The following ATP10A variants were observed in gnomAD, a reference collection of about 807,000 sequenced individuals.
ATP10A encodes phospholipid-transporting ATPase VA.
Under a neutral mutation model 147.8 loss-of-function variants are expected in ATP10A, and 111 were observed. That is an observed-to-expected ratio of 0.75 (90% confidence interval 0.64 to 0.88). ATP10A has a LOEUF of 0.88. Among genes scored for constraint, ATP10A ranks in the 40% least tolerant of loss-of-function variants. The probability of loss-of-function intolerance (pLI) is 0.00; values close to 1 mark genes in which losing one functional copy is unlikely to be tolerated. For synonymous variants in ATP10A, 875 were observed against 841.6 expected, an observed-to-expected ratio of 1.04 and a Z score of -0.69; for missense variants, 1,927 against 1,959.0, an observed-to-expected ratio of 0.98 and a Z score of 0.31.
intron 1 of ATP10A, among the ~76,000 whole-genome samples, chr15:25,805,250 G>C (rs1483498817): frequency 6.6e-6 from 1 of 152,218 alleles, no homozygotes; most frequent in African/African-American, 2.4e-5. Flanking sequence ...AGCCCACGCT[G>C]GTCTGTGGCA....
chr15:25,823,102 A>T (rs1166674040), intron 1 of ATP10A, among the ~76,000 whole-genome samples: 1 of 152,240 alleles, frequency 6.6e-6, no homozygotes, highest in Non-Finnish European at 1.5e-5. Context: ...TTTTGAAAAA[A>T]ATCTCAAGAG....
chr15:25,849,559 C>CT (rs2140907139), intron 1 of ATP10A, among the ~76,000 whole-genome samples: 1 of 152,230 alleles, frequency 6.6e-6, no homozygotes, highest in South Asian at 2.1e-4. Context: ...TGGCCAGACG[C>CT]TTTACAGAGG....
intron 2 of ATP10A, among the ~76,000 whole-genome samples, chr15:25,775,586 A>G (rs367880338): frequency 6.6e-6 from 1 of 151,896 alleles, no homozygotes; most frequent in Non-Finnish European, 1.5e-5. Flanking sequence ...ACCACTGTGC[A>G]CACACACACG....
In ATP10A at chr15:25,847,057, T is replaced by C. The variant is rs967561954; in HGVS notation, c.449+15591A>G. ...TATACATTTTTCTAAAAAGCATCCA[T>C]AGAGCATCTTTGTCAGCTATCCTTG... On this transcript the variant is annotated intron_variant, in intron 1 of 20. Transcript: ENST00000555815. 1.4e-4 allele frequency among the ~76,000 whole-genome samples: 22 copies of C among 152,232 alleles called. 1 individual carries two copies. Among genetic ancestry groups the C allele is most frequent in the Non-Finnish European group, 1.0e-4 (7 of 68,034 alleles).
intron 3 of ATP10A, among the ~76,000 whole-genome samples, chr15:25,730,250 C>G (rs1235159930): frequency 2.0e-5 from 3 of 150,636 alleles, no homozygotes; most frequent in African/African-American, 7.4e-5. Flanking sequence ...TGCAGTGAGC[C>G]AAGATCGCGC....
chr15:25,821,824 T>C (rs1455028578), intron 1 of ATP10A, among the ~76,000 whole-genome samples: 2 of 152,144 alleles, frequency 1.3e-5, no homozygotes, highest in Non-Finnish European at 2.9e-5. Context: ...TGGTAACAGC[T>C]CTGAATGGCA....
At chr15:25,745,759 A>T (rs1887815155) in intron 2 of ATP10A, among the ~76,000 whole-genome samples, 1 of 152,224 alleles carries the variant, frequency 6.6e-6, no homozygotes, top group Non-Finnish European at 1.5e-5. Flanking sequence ...GAATAAAAAG[A>T]TGTTTTTTGC....
chr15:25,713,412 G>A (rs923297147), intron 10 of ATP10A, among the ~76,000 whole-genome samples: 4 of 152,146 alleles, frequency 2.6e-5, no homozygotes, highest in African/African-American at 7.2e-5. Context: ...AATTTAAAAC[G>A]TGACACTCTT....
At chr15:25,739,050 C>T (rs1184746584) in intron 2 of ATP10A, among the ~76,000 whole-genome samples, 4 of 152,094 alleles carry the variant, frequency 2.6e-5, no homozygotes, top group African/African-American at 4.8e-5. Flanking sequence ...ATAGAAACGT[C>T]CCCCAAAATT....
chr15:25,705,774 C>T (rs1441900316), intron 12 of ATP10A, among the ~76,000 whole-genome samples: 1 of 152,220 alleles, frequency 6.6e-6, no homozygotes. Flanking sequence ...AATCTACTAA[C>T]ATAGCATCAA....
At chr15:25,746,436 A>G (rs1448179325) in intron 2 of ATP10A, among the ~76,000 whole-genome samples, 1 of 152,330 alleles carries the variant, frequency 6.6e-6, no homozygotes, top group Middle Eastern at 3.4e-3. Flanking sequence ...GTATTTGATA[A>G]AACAGTCAAA....
At chr15:25,853,309 G>C (rs1037606404) in intron 1 of ATP10A, among the ~76,000 whole-genome samples, 1 of 152,318 alleles carries the variant, frequency 6.6e-6, no homozygotes, top group Non-Finnish European at 1.5e-5. Context: ...TGCACAGTGG[G>C]CTCCCCTGCT....
At chr15:25,708,173 C>T (rs1263723295) in intron 11 of ATP10A, 24 bp downstream of exon 11, 1 of 1,614,104 alleles carries the variant, frequency 6.2e-7, no homozygotes, top group Non-Finnish European at 8.5e-7. Context: ...GCACGTGCAC[C>T]CTCGCGGAGA....
chr15:25,736,008 G>A (rs752226293), intron 3 of ATP10A, 48 bp downstream of exon 3: 1 of 1,423,810 alleles, frequency 7.0e-7, no homozygotes, highest in Non-Finnish European at 9.9e-7. Flanking sequence ...ACCTGCCTAT[G>A]TAGTTATCAA....
intron 1 of ATP10A, among the ~76,000 whole-genome samples, chr15:25,822,052 C>G (rs1891914088): frequency 6.6e-6 from 1 of 152,188 alleles, no homozygotes; most frequent in Non-Finnish European, 1.5e-5. Context: ...AATCTATACA[C>G]ATCCTCCCAC....
intron 1 of ATP10A, among the ~76,000 whole-genome samples, chr15:25,794,824 C>T (rs991691505): frequency 1.3e-5 from 2 of 152,228 alleles, no homozygotes; most frequent in Non-Finnish European, 2.9e-5. Context: ...AGGCCACACA[C>T]GTGGATTCCA....
chr15:25,845,841 AC>A (rs902466994), intron 1 of ATP10A, among the ~76,000 whole-genome samples: 1 of 152,218 alleles, frequency 6.6e-6, no homozygotes, highest in African/African-American at 2.4e-5. Flanking sequence ...AGACACTCAA[AC>A]AGACACTGGT....
Position 25,729,466 on chromosome 15 carries a change from A to T in ATP10A, c.741-2200T>A, listed in dbSNP as rs572882664. On this transcript the variant is annotated intron_variant, in intron 3 of 20. Transcript: ENST00000555815. ...GCATTTCTCTGCTGGAGCCGGCAAC[A>T]CACGCTTGCTGGCCTCAGCTCCACT... is the stretch of plus-strand genomic sequence containing the variant. 3.9e-5 allele frequency among the ~76,000 whole-genome samples: 6 copies of T among 152,292 alleles called. No homozygotes were observed. The East Asian group carries it at 1.2e-3, about 29-fold the overall frequency.
intron 1 of ATP10A, among the ~76,000 whole-genome samples, chr15:25,846,167 A>T (rs1596992596): frequency 6.6e-6 from 1 of 151,700 alleles, no homozygotes; most frequent in African/African-American, 2.4e-5. Flanking sequence ...GGGAAGGGGG[A>T]GTTAGTGTTT....
Sources: allele counts gnomAD v4.1 joint callset (sites outside exome capture counted in the v4.1 genomes callset), GRCh38; gene constraint gnomAD v4.1.1; transcripts MANE v1.5; gene names NCBI Gene and HGNC (gene_info 2026-07-23, HGNC 2026-07-21).